NOL4L: variants seen among roughly 807,000 people sequenced by gnomAD.
NOL4L encodes the protein nucleolar protein 4-like.
NOL4L carries 7 observed loss-of-function variants against 64.5 expected under a neutral mutation model. The observed-to-expected ratio is 0.11, with a 90% CI of 0.06 to 0.20. The LOEUF (loss-of-function observed/expected upper bound fraction) is 0.20. NOL4L is among the 10% of genes least tolerant of loss of function. The pLI, the probability that NOL4L is intolerant of heterozygous loss-of-function variation, is 1.00. For missense variants in NOL4L, 680 were observed against 967.1 expected (o/e 0.70, Z 3.94); for synonymous variants, 413 against 401.0 (o/e 1.03, Z -0.36).
intron 1 of NOL4L, among the ~76,000 whole-genome samples, chr20:32,570,855 C>T (rs1979710076): frequency 6.6e-6 from 1 of 152,154 alleles, no homozygotes; most frequent in South Asian, 2.1e-4. Context: ...GTGATGATGG[C>T]CAACACTCAC....
chr20:32,474,781 G>A (rs772428257), intron 4 of NOL4L, 39 bp from the exon 5 acceptor site: 19 of 1,557,154 alleles, frequency 1.2e-5, no homozygotes, highest in East Asian at 1.2e-4. Context: ...CAGCAGGGAC[G>A]GGCTCTCATC....
intron 1 of NOL4L, among the ~76,000 whole-genome samples, chr20:32,537,420 G>A (rs952544857): frequency 2.6e-5 from 4 of 152,360 alleles, no homozygotes; most frequent in African/African-American, 4.8e-5. Flanking sequence ...TGCACCTACT[G>A]TGTGCCAAGC....
At chr20:32,526,387 C>T (rs2018133653) in intron 2 of NOL4L, among the ~76,000 whole-genome samples, 1 of 152,042 alleles carries the variant, frequency 6.6e-6, no homozygotes, top group African/African-American at 2.4e-5. Flanking sequence ...CCATCTCCTG[C>T]CTTCCTGGGC....
intron 1 of NOL4L, among the ~76,000 whole-genome samples, chr20:32,545,941 CTTTCT>C (rs1322664755): frequency 2.8e-5 from 4 of 145,404 alleles, no homozygotes; most frequent in African/African-American, 8.1e-5. Context: ...CTTTTTTTTT[CTTTCT>C]TTTCTTTTTT....
At position 32,456,217 on chromosome 20, in the gene NOL4L, C is replaced by A. The variant is rs1390237490; in HGVS notation, c.1020G>T (p.Pro340=). The change falls in exon 6 of 11, where the codon CCG becomes CCT. Residue 340 remains proline (P), a synonymous_variant. Coordinates refer to ENST00000621426, the MANE Select transcript of NOL4L (RefSeq NM_001256798.2). ...AGGCTGTGCCAAGTGCCGTGGCCGG[C>A]GGGAGCTTGTCACACAGGTTGATGG... is the stretch of plus-strand genomic sequence containing the variant. ...DQPINLCDKL[P]PATALGTASY... 2 of 1,608,776 alleles carry A rather than the reference C, an allele frequency of 1.2e-6. No homozygotes were observed. The highest frequency in any genetic ancestry group is 1.7e-6 in the Non-Finnish European group (2 of 1,177,642).
At chr20:32,518,787 A>T (rs1032774768) in intron 3 of NOL4L, among the ~76,000 whole-genome samples, 1 of 152,206 alleles carries the variant, frequency 6.6e-6, no homozygotes, top group Non-Finnish European at 1.5e-5. Flanking sequence ...GGCAGGGTGG[A>T]GAGTGGGGCA....
intron 4 of NOL4L, among the ~76,000 whole-genome samples, chr20:32,502,587 A>C (rs2016966254): frequency 7.1e-6 from 1 of 140,506 alleles, no homozygotes; most frequent in African/African-American, 2.8e-5. Flanking sequence ...ACTCCATCTC[A>C]AAAAAAAAAA....
intron 4 of NOL4L, among the ~76,000 whole-genome samples, chr20:32,494,372 T>C (rs1160810686): frequency 6.6e-6 from 1 of 151,496 alleles, no homozygotes; most frequent in Non-Finnish European, 1.5e-5. Context: ...CTGAGTTCTG[T>C]GTCTGGGGGT....
intron 5 of NOL4L, among the ~76,000 whole-genome samples, chr20:32,461,973 G>T (rs2014111556): frequency 6.6e-6 from 1 of 151,928 alleles, no homozygotes; most frequent in Admixed American, 6.6e-5. Flanking sequence ...AGTCTTCCTG[G>T]GCTCGCCGGG....
chr20:32,526,685 G>C (rs1019156498), intron 2 of NOL4L, among the ~76,000 whole-genome samples: 1 of 152,156 alleles, frequency 6.6e-6, no homozygotes, highest in Non-Finnish European at 1.5e-5. Flanking sequence ...CGGCATGGAG[G>C]ACACTGGCTG....
intron 4 of NOL4L, among the ~76,000 whole-genome samples, chr20:32,482,820 C>T (rs2145497883): frequency 6.6e-6 from 1 of 150,406 alleles, no homozygotes; most frequent in Non-Finnish European, 1.5e-5. Flanking sequence ...GCTTCCCGTC[C>T]TCACATCCCC....
At chr20:32,455,126 C>A (rs1022429522) in intron 6 of NOL4L, among the ~76,000 whole-genome samples, 3 of 152,262 alleles carry the variant, frequency 2.0e-5, no homozygotes, top group African/African-American at 7.2e-5. Context: ...CCAGGGCAGA[C>A]AGATGGAGAA....
chr20:32,550,372 G>A (rs992300621), intron 1 of NOL4L, among the ~76,000 whole-genome samples: 7 of 152,186 alleles, frequency 4.6e-5, no homozygotes, highest in Admixed American at 6.5e-5. Flanking sequence ...TCGGCCTCCC[G>A]AGTAGCTGGG....
At position 32,566,816 on chromosome 20, in the gene NOL4L, G is replaced by A. The variant is rs774169597; in HGVS notation, c.321+17754C>T. ...TACTTTTCTCCACGCATTTACCAGC[G>A]TCTGACACAGTGGGCCTGTTCCTTG... On this transcript the variant is annotated intron_variant, in intron 1 of 10. Coordinates refer to ENST00000621426, the MANE Select transcript of NOL4L (RefSeq NM_001256798.2). Among the ~76,000 whole-genome samples the A allele has an allele frequency of 2.9e-4, 44 of 152,164 alleles. 1 individual carries two copies. The highest frequency in any genetic ancestry group is 9.7e-4 in the African/African-American group (40 of 41,440).
chr20:32,483,990 A>G (rs1415640620), intron 4 of NOL4L, among the ~76,000 whole-genome samples: 2 of 150,086 alleles, frequency 1.3e-5, no homozygotes, highest in Non-Finnish European at 3.0e-5. Context: ...AGGCGCTGGG[A>G]TCTGTGCCTA....
chr20:32,475,968 C>T lies in NOL4L; in HGVS notation c.700-1226G>A, dbSNP rs1390482928. ...ATTTATAGCTTCTGTGCAGTGTGGA[C>T]CCTCTGCTGAATCCAGAGGACAGGA... On this transcript the variant is annotated intron_variant, in intron 4 of 10. Transcript: ENST00000621426. 2.6e-5 allele frequency among the ~76,000 whole-genome samples: 4 copies of T among 152,232 alleles called. No homozygotes were observed. In the East Asian group the frequency reaches 7.7e-4, roughly 29 times the overall value.
At chr20:32,569,596 C>G (rs1979637528) in intron 1 of NOL4L, among the ~76,000 whole-genome samples, 1 of 152,126 alleles carries the variant, frequency 6.6e-6, no homozygotes, top group Admixed American at 6.5e-5. Context: ...GGCAGCAGGG[C>G]TGGCATGGGG....
chr20:32,452,300 C>A lies in NOL4L; in HGVS notation c.1758G>T (p.Gly586=). ...ANGGLNYSYR[G]YGALSSNLQP... is the part of the protein sequence containing the mutation. Reference sequence around the variant, plus strand: ...GCAGGTTGCTGCTCAAGGCCCCGTACCCGCGGTAACTGTAGTTGAGGCCGC... The same window carrying A: ...GCAGGTTGCTGCTCAAGGCCCCGTAACCGCGGTAACTGTAGTTGAGGCCGC... The change falls in exon 10 of 11, where the codon GGG becomes GGT. Residue 586 remains glycine (G), a synonymous_variant. Transcript: ENST00000621426. The A allele has an allele frequency of 6.2e-7, 1 of 1,607,352 alleles. No homozygotes were observed. Among genetic ancestry groups the A allele is most frequent in the Non-Finnish European group, 8.5e-7 (1 of 1,176,470 alleles).
intron 1 of NOL4L, among the ~76,000 whole-genome samples, chr20:32,553,429 A>C (rs1471777236): frequency 6.6e-6 from 1 of 151,992 alleles, no homozygotes. Flanking sequence ...CTCTTCCTGG[A>C]ATCCTCTCCC....
Sources: allele counts gnomAD v4.1 joint callset (sites outside exome capture counted in the v4.1 genomes callset), GRCh38; gene constraint gnomAD v4.1.1; transcripts MANE v1.5; gene names NCBI Gene and HGNC (gene_info 2026-07-23, HGNC 2026-07-21).